The following ATP2B4 variants were observed in gnomAD, a reference collection of about 807,000 sequenced individuals.
ATP2B4 encodes the protein ATPase plasma membrane Ca2+ transporting 4, also known as plasma membrane calcium-transporting ATPase 4.
Under a neutral mutation model 110.3 loss-of-function variants are expected in ATP2B4, and 39 were observed. That is an observed-to-expected ratio of 0.35 (90% CI 0.27 to 0.46). The LOEUF (loss-of-function observed/expected upper bound fraction) is 0.46. Among genes scored for constraint, ATP2B4 ranks in the 20% least tolerant of loss-of-function variants. ATP2B4 has a pLI of 1.00. For synonymous variants in ATP2B4, 538 were observed against 571.7 expected (o/e 0.94, Z 0.84); for missense variants, 1,135 against 1,530.9 (o/e 0.74, Z 4.32).
chr1:203,632,199 G>A (rs112755194), intron 1 of ATP2B4, among the ~76,000 whole-genome samples: 38 of 150,900 alleles, frequency 2.5e-4, no homozygotes, highest in African/African-American at 9.0e-4. Context: ...AGAATCCTAG[G>A]TAGCCAAAAA....
At position 203,627,022 on chromosome 1, in the gene ATP2B4, C is replaced by A. The variant is rs1663109879; in HGVS notation, c.-662C>A. 2 of 152,342 alleles carry A rather than the reference C, an allele frequency of 1.3e-5. No individual in the cohort carries two copies. Among genetic ancestry groups the A allele is most frequent in the African/African-American group, 4.8e-5 (2 of 41,468 alleles). 9.4% of individuals were successfully genotyped at this position (152,342 alleles called of 1,614,324 possible). A position where few individuals can be genotyped will look rare whatever the true frequency, so the allele number is the denominator to read the frequency against. ...TCTTTCAGGAACCTGAGAGGTCCTTCCCATTGGAGGGGCAGGGGGAGGAGA... is the reference window on the plus strand; with the variant it reads ...TCTTTCAGGAACCTGAGAGGTCCTTACCATTGGAGGGGCAGGGGGAGGAGA... On this transcript the variant is annotated 5_prime_UTR_variant, in exon 1 of 21. Coordinates refer to ENST00000357681, the MANE Select transcript of ATP2B4 (RefSeq NM_001684.5).
At chr1:203,739,519 AT>A in intron 20 of ATP2B4, 26 bp from the exon 21 acceptor site, 1 of 1,591,278 alleles carries the variant, frequency 6.3e-7, no homozygotes, top group Non-Finnish European at 8.6e-7. Flanking sequence ...CTATTTTCTC[AT>A]CCTCCTTTTC....
chr1:203,650,171 G>A (rs1286169415), intron 1 of ATP2B4, among the ~76,000 whole-genome samples: 1 of 152,190 alleles, frequency 6.6e-6, no homozygotes, highest in African/African-American at 2.4e-5. Flanking sequence ...TGCCTGCCCC[G>A]TAAAGCTTGG....
intron 15 of ATP2B4, among the ~76,000 whole-genome samples, chr1:203,719,721 TATAAATAAATAA>T (rs34272522): frequency 5.5e-5 from 8 of 146,296 alleles, no homozygotes; most frequent in South Asian, 4.3e-4. Context: ...TCTCAAAAAC[TATAAATAAATAA>T]ATAAATAAAT....
At chr1:203,663,792 C>T (rs748040300) in intron 1 of ATP2B4, among the ~76,000 whole-genome samples, 5 of 152,012 alleles carry the variant, frequency 3.3e-5, no homozygotes, top group Admixed American at 1.3e-4. Context: ...TTTGTAGAGA[C>T]GGTGTCTCAC....
At chr1:203,718,415 C>T (rs1022660802) in intron 15 of ATP2B4, among the ~76,000 whole-genome samples, 2 of 152,146 alleles carry the variant, frequency 1.3e-5, no homozygotes, top group Non-Finnish European at 2.9e-5. Context: ...TCTCCTGCTT[C>T]AGCGTCCTGA....
chr1:203,645,647 A>G (rs1222763428), intron 1 of ATP2B4, among the ~76,000 whole-genome samples: 1 of 147,034 alleles, frequency 6.8e-6, no homozygotes, highest in Admixed American at 6.9e-5. Context: ...GCTGGAATGC[A>G]GTGGCATAAT....
Position 203,682,940 on chromosome 1 carries a change from T to G in ATP2B4, c.-266T>G. 1 of 378,394 alleles carries G rather than the reference T, an allele frequency of 2.6e-6. No homozygotes were observed. The highest frequency in any genetic ancestry group is 5.0e-5 in the East Asian group (1 of 20,064). 23.4% of individuals were successfully genotyped at this position (378,394 alleles called of 1,614,324 possible). ...TATCATCACCACCTGGGGACACCAA[T>G]CATCGTGACACGGAGTCCACCTTCC... On this transcript the variant is annotated 5_prime_UTR_variant, in exon 2 of 21. Transcript: ENST00000357681.
intron 1 of ATP2B4, among the ~76,000 whole-genome samples, chr1:203,654,176 G>A (rs2102322662): frequency 6.6e-6 from 1 of 151,732 alleles, no homozygotes; most frequent in Middle Eastern, 3.4e-3. Context: ...TAAAGACAGG[G>A]TTGCATCATA....
chr1:203,636,978 C>T lies in ATP2B4; in HGVS notation c.-465+9759C>T, dbSNP rs192214892. Among the ~76,000 whole-genome samples, 207 of 152,204 alleles carry T rather than the reference C, an allele frequency of 1.4e-3. 2 individuals are homozygous for T. Among genetic ancestry groups the T allele is most frequent in the Non-Finnish European group, 2.1e-3 (142 of 68,020 alleles). On this transcript the variant is annotated intron_variant, in intron 1 of 20. Coordinates refer to ENST00000357681, the MANE Select transcript of ATP2B4 (RefSeq NM_001684.5). ...TCTAAGATTTCCCACCTCCACCTGC[C>T]GGGAACTTCAATTAGGAAGTACCTT... is the stretch of plus-strand genomic sequence containing the variant.
intron 8 of ATP2B4, among the ~76,000 whole-genome samples, chr1:203,705,965 C>T (rs959427209): frequency 1.3e-5 from 2 of 152,178 alleles, no homozygotes; most frequent in Non-Finnish European, 2.9e-5. Context: ...TCTAGCCTTG[C>T]TTGGAGGCCC....
chr1:203,722,607 T>C lies in ATP2B4; in HGVS notation c.2942T>C (p.Ile981Thr). ...QLFNEINSRK[I>T]HGEKNVFSGI... ...TTCAATGAAATCAACTCCCGAAAGATCCATGGAGAGAAGAACGTCTTTTCA... is the reference window on the plus strand; with the variant it reads ...TTCAATGAAATCAACTCCCGAAAGACCCATGGAGAGAAGAACGTCTTTTCA... Residue 981 changes from isoleucine (I) to threonine (T), a missense_variant, in exon 18 of 21, where the codon ATC (isoleucine) becomes ACC (threonine). Coordinates refer to ENST00000357681, the MANE Select transcript of ATP2B4 (RefSeq NM_001684.5). 1.2e-6 allele frequency: 2 copies of C among 1,614,112 alleles called. No individual in the cohort carries two copies.
At chr1:203,707,735 T>C in intron 9 of ATP2B4, 127 bp from the exon 10 acceptor site, 1 of 1,291,908 alleles carries the variant, frequency 7.7e-7, no homozygotes, top group Non-Finnish European at 1.1e-6. Context: ...CCAGTCAGTA[T>C]CTTGGATTTT....
chr1:203,707,745 T>C (rs1665891264), intron 9 of ATP2B4, 117 bp from the exon 10 acceptor site: 3 of 1,410,798 alleles, frequency 2.1e-6, no homozygotes, highest in Middle Eastern at 2.6e-4. Context: ...TCTTGGATTT[T>C]TGTGTGGGAC....
chr1:203,739,406 T>C (rs1666949394), intron 20 of ATP2B4, 140 bp from the exon 21 acceptor site: 11 of 801,074 alleles, frequency 1.4e-5, no homozygotes, highest in Non-Finnish European at 2.2e-5. Flanking sequence ...TCTCTTCTGA[T>C]GTGTGTTTGG....
At chr1:203,720,435 G>A in intron 15 of ATP2B4, 114 bp from the exon 16 acceptor site, 1 of 1,015,250 alleles carries the variant, frequency 9.8e-7, no homozygotes, top group Admixed American at 3.2e-5. Flanking sequence ...TTTCTTTTGT[G>A]TGACTAGTGT....
At position 203,707,143 on chromosome 1, in the gene ATP2B4, A is replaced by G. The variant is rs1453530843; in HGVS notation, c.1234A>G (p.Ile412Val). 5.6e-6 allele frequency: 9 copies of G among 1,614,002 alleles called. No homozygotes were observed. Among genetic ancestry groups the G allele is most frequent in the South Asian group, 1.1e-5 (1 of 91,084 alleles). ...CCAGTACTTTGTCAAGTTCTTCATC[A>G]TCGGCATCACTGTACTGGTGGTGGC... Reference protein sequence around the residue: ...YIQYFVKFFIIGITVLVVAVP... With the variant: ...YIQYFVKFFIVGITVLVVAVP... The change falls in exon 9 of 21, where the codon ATC becomes GTC. Residue 412 changes from isoleucine to valine, a missense_variant. Physicochemically the swap from Ile to Val is conservative, Grantham distance 29. Coordinates refer to ENST00000357681, the MANE Select transcript of ATP2B4 (RefSeq NM_001684.5).
chr1:203,725,539 T>C (rs913181871), intron 19 of ATP2B4, among the ~76,000 whole-genome samples: 1 of 152,256 alleles, frequency 6.6e-6, no homozygotes, highest in African/African-American at 2.4e-5. Context: ...AACAAGGTCA[T>C]TGTTAATTAG....
At chr1:203,721,609 T>C (rs1001877414) in intron 17 of ATP2B4, among the ~76,000 whole-genome samples, 199 bp downstream of exon 17, 11 of 152,012 alleles carry the variant, frequency 7.2e-5, no homozygotes, top group African/African-American at 2.4e-4. Flanking sequence ...GTGTACTGTG[T>C]GTACTCAAGA....
Sources: gnomAD v4.1 joint callset for allele counts (sites outside exome capture counted in the v4.1 genomes callset) on GRCh38, gnomAD v4.1.1 for gene constraint, MANE v1.5 for transcripts, NCBI Gene and HGNC (gene_info 2026-07-23, HGNC 2026-07-21) for gene names.